ASTN2: variants seen among roughly 807,000 people sequenced by gnomAD.
The protein encoded by ASTN2 is astrotactin-2.
Under a neutral mutation model 139.8 loss-of-function variants are expected in ASTN2, and 54 were observed. The observed-to-expected ratio is 0.39, with a 90% CI of 0.31 to 0.48. The LOEUF is 0.48. Ranked by LOEUF, ASTN2 falls within the 20% of genes least tolerant of loss-of-function variation. ASTN2 has a pLI of 0.95. For missense variants in ASTN2, 1,565 were observed against 1,725.1 expected (o/e 0.91, Z 1.64); for synonymous variants, 756 against 719.5 (o/e 1.05, Z -0.81).
intron 10 of ASTN2, among the ~76,000 whole-genome samples, chr9:116,911,195 C>T (rs1834300200): frequency 1.3e-5 from 2 of 152,206 alleles, no homozygotes; most frequent in African/African-American, 4.8e-5. Flanking sequence ...GCTAAGAGTG[C>T]ATGCCCAGGA....
intron 5 of ASTN2, among the ~76,000 whole-genome samples, chr9:117,062,270 T>C (rs901353216): frequency 6.6e-6 from 1 of 152,116 alleles, no homozygotes; most frequent in East Asian, 1.9e-4. Flanking sequence ...CATTAGAGGA[T>C]CTTCTCACCT....
chr9:117,101,728 C>A (rs61354895), intron 4 of ASTN2, among the ~76,000 whole-genome samples: 9,220 of 152,084 alleles, frequency 0.061, 609 homozygotes, highest in East Asian at 0.18. Flanking sequence ...ATGGCAGAGC[C>A]CAAATTTGAA....
chr9:116,533,289 A>G (rs1210692744), intron 19 of ASTN2, among the ~76,000 whole-genome samples: 2 of 152,212 alleles, frequency 1.3e-5, no homozygotes, highest in Non-Finnish European at 2.9e-5. Flanking sequence ...CTAAATATAC[A>G]ATCATGTCAT....
At chr9:117,042,265 T>C (rs1371327129) in intron 5 of ASTN2, among the ~76,000 whole-genome samples, 1 of 152,186 alleles carries the variant, frequency 6.6e-6, no homozygotes, top group Non-Finnish European at 1.5e-5. Flanking sequence ...ATTGCCTGTA[T>C]GGAAATCTAT....
intron 19 of ASTN2, chr9:116,612,569 C>G (rs1362806095): frequency 1.3e-5 from 2 of 152,178 alleles, no homozygotes; most frequent in Non-Finnish European, 2.9e-5. Context: ...AAGAAACTCA[C>G]TCAAAACCGC....
intron 6 of ASTN2, among the ~76,000 whole-genome samples, chr9:117,016,635 T>TGTTAC: frequency 1.9e-4 from 4 of 20,704 alleles, no homozygotes; most frequent in South Asian, 1.5e-3. Flanking sequence ...TATATATATA[T>TGTTAC]ATATATATAT....
At position 117,095,187 on chromosome 9, in the gene ASTN2, A is replaced by T. The variant is rs140290314; in HGVS notation, c.1276+857T>A. ...ATCTGCCCTTTATCACTGGCATGGAATCCATGTTTGTACCCCAGGAGAGTC... is the reference window on the plus strand; with the variant it reads ...ATCTGCCCTTTATCACTGGCATGGATTCCATGTTTGTACCCCAGGAGAGTC... On this transcript the variant is annotated intron_variant, in intron 5 of 22. Coordinates refer to ENST00000313400, the MANE Select transcript of ASTN2 (RefSeq NM_001365068.1). Among the ~76,000 whole-genome samples the T allele has an allele frequency of 2.0e-4, 30 of 152,302 alleles. 1 individual carries two copies. In the East Asian group the frequency reaches 5.8e-3, roughly 29 times the overall value.
At chr9:116,893,159 T>TCTCA (rs1006361618) in intron 10 of ASTN2, among the ~76,000 whole-genome samples, 35 of 149,344 alleles carry the variant, frequency 2.3e-4, no homozygotes, top group African/African-American at 8.4e-4. Context: ...TAAAGGTGTA[T>TCTCA]CACACACACA....
At chr9:117,207,595 C>T (rs888319074) in intron 3 of ASTN2, among the ~76,000 whole-genome samples, 24 of 152,156 alleles carry the variant, frequency 1.6e-4, no homozygotes, top group African/African-American at 1.9e-4. Flanking sequence ...ATGAGCTGCC[C>T]CTGGTAGAAA....
At chr9:116,769,195 A>C (rs2132181705) in intron 13 of ASTN2, among the ~76,000 whole-genome samples, 1 of 152,356 alleles carries the variant, frequency 6.6e-6, no homozygotes, top group Admixed American at 6.5e-5. Flanking sequence ...AGTGTACTAT[A>C]CAGAGAAGTC....
chr9:116,964,256 T>TGTGTGCGCGC lies in ASTN2; in HGVS notation c.1889+10951_1889+10952insGCGCGCACAC, dbSNP rs1491183340. 8.0e-3 allele frequency among the ~76,000 whole-genome samples: 793 copies of TGTGTGCGCGC among 98,840 alleles called. 10 individuals are homozygous for TGTGTGCGCGC. Among genetic ancestry groups the TGTGTGCGCGC allele is most frequent in the African/African-American group, 0.024 (751 of 30,870 alleles). 64.8% of individuals were successfully genotyped at this position (98,840 alleles called of 152,430 possible). The stretch of plus-strand genomic sequence containing the variant: ...GTGTGTGTGTGTGTGTGTGTGTGTG[T>TGTGTGCGCGC]GCGCGCGCGCGCGTGTGTGTTGACT... On this transcript the variant is annotated intron_variant, in intron 10 of 22. Transcript: ENST00000313400.
chr9:117,089,770 C>T (rs1276501085), intron 5 of ASTN2, among the ~76,000 whole-genome samples: 1 of 148,716 alleles, frequency 6.7e-6, no homozygotes, highest in Non-Finnish European at 1.5e-5. Flanking sequence ...TCAGTGAGAA[C>T]ATATGATGTT....
chr9:116,485,354 T>C (rs1380648352), intron 20 of ASTN2, among the ~76,000 whole-genome samples: 2 of 131,448 alleles, frequency 1.5e-5, no homozygotes, highest in African/African-American at 2.6e-5. Context: ...GTGCCTTCAG[T>C]CTATAACCCT....
In ASTN2 at chr9:116,612,578, G is replaced by A. The variant is rs1855601481; in HGVS notation, c.3355+5746C>T. On this transcript the variant is annotated intron_variant, in intron 19 of 22. Coordinates refer to ENST00000313400, the MANE Select transcript of ASTN2 (RefSeq NM_001365068.1). ...AGGATTAAGAAACTCACTCAAAACC[G>A]CTCAACTACATGGAAACTGAACAAC... is the stretch of plus-strand genomic sequence containing the variant. 2.0e-5 allele frequency: 3 copies of A among 152,042 alleles called. No homozygotes were observed. In the South Asian group the frequency reaches 6.2e-4, roughly 32 times the overall value. The allele number at this position is 152,042 out of a possible 1,614,324, so 9.4% of individuals were successfully genotyped here.
At chr9:117,330,124 A>T (rs556828218) in intron 1 of ASTN2, among the ~76,000 whole-genome samples, 1 of 152,228 alleles carries the variant, frequency 6.6e-6, no homozygotes, top group Admixed American at 6.5e-5. Flanking sequence ...TCTCCTTAAT[A>T]AGGGAAGCTG....
intron 19 of ASTN2, among the ~76,000 whole-genome samples, chr9:116,573,910 G>A (rs12347431): frequency 0.21 from 31,866 of 152,080 alleles, 4,404 homozygotes; most frequent in African/African-American, 0.38. Context: ...AAAGCCATAC[G>A]TTGTACTTAG....
At chr9:116,493,354 TC>T (rs1183841769) in intron 19 of ASTN2, among the ~76,000 whole-genome samples, 5 of 152,180 alleles carry the variant, frequency 3.3e-5, no homozygotes, top group African/African-American at 1.2e-4. Flanking sequence ...TGTTTTTCTT[TC>T]CTTGAAAACA....
At chr9:116,847,059 A>G (rs893875233) in intron 11 of ASTN2, among the ~76,000 whole-genome samples, 1 of 150,050 alleles carries the variant, frequency 6.7e-6, no homozygotes, top group Non-Finnish European at 1.5e-5. Context: ...AAAAAAAAAC[A>G]TATATTCTAA....
At position 116,940,458 on chromosome 9, in the gene ASTN2, A is replaced by T. The variant is rs564410877; in HGVS notation, c.1889+34750T>A. Reference sequence around the variant, plus strand: ...CAGTGGGACAAGATGGAGGTAGAAGACAGTGATATTGATGATCCTGATTCT... The same window carrying T: ...CAGTGGGACAAGATGGAGGTAGAAGTCAGTGATATTGATGATCCTGATTCT... On this transcript the variant is annotated intron_variant, in intron 10 of 22. Transcript: ENST00000313400. Among the ~76,000 whole-genome samples, 5 of 152,314 alleles carry T rather than the reference A, an allele frequency of 3.3e-5. No homozygotes were observed. In the South Asian group the frequency reaches 1.0e-3, roughly 32 times the overall value.
Sources: allele counts gnomAD v4.1 joint callset (sites outside exome capture counted in the v4.1 genomes callset), GRCh38; gene constraint gnomAD v4.1.1; transcripts MANE v1.5; gene names NCBI Gene and HGNC (gene_info 2026-07-23, HGNC 2026-07-21).